The following BTRC variants were observed in gnomAD, a reference collection of about 807,000 sequenced individuals.
BTRC encodes F-box/WD repeat-containing protein 1A.
Under a neutral mutation model 85.5 loss-of-function variants are expected in BTRC, and 42 were observed. The observed-to-expected ratio is 0.49, with a 90% CI of 0.38 to 0.64. The LOEUF (loss-of-function observed/expected upper bound fraction) is 0.64. BTRC is among the 30% of genes least tolerant of loss of function. The probability of loss-of-function intolerance (pLI) is 0.00; values close to 1 mark genes in which losing one functional copy is unlikely to be tolerated. For missense variants in BTRC, 594 were observed against 743.5 expected, an observed-to-expected ratio of 0.80 and a Z score of 2.34; for synonymous variants, 255 against 263.3, an observed-to-expected ratio of 0.97 and a Z score of 0.30.
chr10:101,493,976 C>T (rs890407127), intron 4 of BTRC, among the ~76,000 whole-genome samples: 2 of 152,136 alleles, frequency 1.3e-5, no homozygotes, highest in African/African-American at 4.8e-5. Flanking sequence ...TTAGCCCTGT[C>T]GGTCTTGTTC....
chr10:101,453,918 C>T (rs886376951), intron 2 of BTRC, among the ~76,000 whole-genome samples: 8 of 152,172 alleles, frequency 5.3e-5, no homozygotes, highest in Admixed American at 1.3e-4. Context: ...TTACCTCTTC[C>T]GTTGTAGTGT....
intron 2 of BTRC, among the ~76,000 whole-genome samples, chr10:101,433,718 G>T (rs1282940579): frequency 1.3e-5 from 2 of 152,144 alleles, no homozygotes; most frequent in Non-Finnish European, 2.9e-5. Context: ...TCACTGAAAG[G>T]ATTTAAGCAC....
intron 2 of BTRC, chr10:101,453,431 T>G (rs1944998962): frequency 6.6e-6 from 1 of 152,186 alleles, no homozygotes; most frequent in Non-Finnish European, 1.5e-5. Context: ...GTATGTGGCA[T>G]TGGTGTGAAA....
intron 1 of BTRC, among the ~76,000 whole-genome samples, chr10:101,368,971 A>G (rs1292096415): frequency 6.6e-6 from 1 of 152,082 alleles, no homozygotes; most frequent in African/African-American, 2.4e-5. Flanking sequence ...GTGAGCTGAG[A>G]TGGTACTACT....
chr10:101,404,030 A>T (rs7909215), intron 1 of BTRC, among the ~76,000 whole-genome samples: 10,956 of 25,690 alleles, frequency 0.43, 3,159 homozygotes, highest in Non-Finnish European at 0.48. Context: ...ATATATATAT[A>T]TTTTTTTTTT....
At chr10:101,394,947 A>C (rs968495686) in intron 1 of BTRC, among the ~76,000 whole-genome samples, 1 of 152,226 alleles carries the variant, frequency 6.6e-6, no homozygotes. Context: ...ATGCTAGGAC[A>C]TGCATGCACA....
intron 2 of BTRC, among the ~76,000 whole-genome samples, chr10:101,448,453 T>G (rs1305685043): frequency 6.6e-6 from 1 of 152,048 alleles, no homozygotes; most frequent in African/African-American, 2.4e-5. Flanking sequence ...ATTTTGTTGT[T>G]TGGTGATGTT....
chr10:101,531,784 G>A (rs970575398), intron 7 of BTRC, among the ~76,000 whole-genome samples: 15 of 152,084 alleles, frequency 9.9e-5, no homozygotes, highest in African/African-American at 3.6e-4. Flanking sequence ...AAAATAAATT[G>A]CTAGGCAAAA....
intron 2 of BTRC, among the ~76,000 whole-genome samples, chr10:101,457,041 C>G (rs749281282): frequency 3.9e-5 from 6 of 152,126 alleles, no homozygotes; most frequent in South Asian, 2.1e-4. Flanking sequence ...TTCCTATGGA[C>G]ACATACCTAT....
intron 1 of BTRC, among the ~76,000 whole-genome samples, chr10:101,368,607 G>C (rs1482671565): frequency 1.3e-5 from 2 of 150,754 alleles, no homozygotes; most frequent in East Asian, 4.0e-4. Context: ...AGCCTCCTGA[G>C]TAACTAGGAC....
chr10:101,498,586 C>T (rs1181042722), intron 4 of BTRC, among the ~76,000 whole-genome samples: 3 of 152,170 alleles, frequency 2.0e-5, no homozygotes, highest in Admixed American at 6.5e-5. Context: ...AGTCATAATT[C>T]CCCTCCTGGG....
At chr10:101,407,475 G>A (rs555484052) in intron 1 of BTRC, among the ~76,000 whole-genome samples, 114 of 152,214 alleles carry the variant, frequency 7.5e-4, no homozygotes, top group Non-Finnish European at 1.0e-3. Context: ...GTGAAGTGGC[G>A]TGATCTTGGC....
chr10:101,471,912 G>T (rs997609776), intron 3 of BTRC, among the ~76,000 whole-genome samples: 1 of 152,034 alleles, frequency 6.6e-6, no homozygotes, highest in Non-Finnish European at 1.5e-5. Context: ...TTTTAATACT[G>T]TGATTGTTTC....
intron 3 of BTRC, among the ~76,000 whole-genome samples, chr10:101,475,428 T>G (rs1172256234): frequency 6.6e-6 from 1 of 152,122 alleles, no homozygotes; most frequent in East Asian, 1.9e-4. Flanking sequence ...TAATCCCAGC[T>G]ACTTGGTAGG....
At chr10:101,524,342 CT>C (rs2062160515) in intron 5 of BTRC, among the ~76,000 whole-genome samples, 1 of 152,150 alleles carries the variant, frequency 6.6e-6, no homozygotes, top group Admixed American at 6.5e-5. Context: ...AGACATGTTA[CT>C]ATCTCAAGCT....
chr10:101,403,114 A>G (rs988632945), intron 1 of BTRC, among the ~76,000 whole-genome samples: 5 of 152,190 alleles, frequency 3.3e-5, no homozygotes, highest in Admixed American at 2.6e-4. Flanking sequence ...CTAAGCATTG[A>G]TGGCATTGTT....
chr10:101,376,171 A>G (rs1942786114), intron 1 of BTRC, among the ~76,000 whole-genome samples: 1 of 152,160 alleles, frequency 6.6e-6, no homozygotes, highest in South Asian at 2.1e-4. Flanking sequence ...ACTAAAAATA[A>G]AAAAATTAGC....
At chr10:101,485,243 A>G (rs1182615552) in intron 4 of BTRC, among the ~76,000 whole-genome samples, 3 of 152,258 alleles carry the variant, frequency 2.0e-5, no homozygotes, top group African/African-American at 7.2e-5. Flanking sequence ...ATTATGCCCT[A>G]AAATAAGAGT....
chr10:101,507,923 G>T (rs1253060799), intron 4 of BTRC, among the ~76,000 whole-genome samples: 2 of 152,110 alleles, frequency 1.3e-5, no homozygotes, highest in Non-Finnish European at 2.9e-5. Context: ...AGCCTTGGAG[G>T]TGTGTGTAGT....
Sources: gnomAD v4.1 joint callset for allele counts (sites outside exome capture counted in the v4.1 genomes callset) on GRCh38, gnomAD v4.1.1 for gene constraint, MANE v1.5 for transcripts, NCBI Gene and HGNC (gene_info 2026-07-23, HGNC 2026-07-21) for gene names.